The following XRCC4 variants were observed in gnomAD, a reference collection of about 807,000 sequenced individuals.
The protein encoded by XRCC4 is DNA repair protein XRCC4.
In XRCC4, 28 loss-of-function variants were observed where a neutral mutation model predicts 39.1. That is an observed-to-expected ratio of 0.72 (90% CI 0.53 to 0.98). XRCC4 has a LOEUF of 0.98. Ranked by LOEUF, XRCC4 falls within the 50% of genes least tolerant of loss-of-function variation. The pLI is 0.00. For synonymous variants in XRCC4, 123 were observed against 126.4 expected (o/e 0.97, Z 0.18); for missense variants, 350 against 376.4 (o/e 0.93, Z 0.58).
At chr5:83,292,938 T>C (rs959204456) in intron 7 of XRCC4, among the ~76,000 whole-genome samples, 16 of 152,096 alleles carry the variant, frequency 1.1e-4, no homozygotes, top group African/African-American at 3.1e-4. Context: ...AAAATACTCT[T>C]AAATCTCTGT....
At chr5:83,374,451 A>G in the XRCC4 span, among the ~76,000 whole-genome samples, 28 of 152,156 alleles carry the variant, frequency 1.8e-4, no homozygotes, top group Admixed American at 6.5e-5. Context: ...GAGTCAATTA[A>G]ACCTCTTTTT....
intron 6 of XRCC4, among the ~76,000 whole-genome samples, chr5:83,237,924 A>G (rs948698928): frequency 2.0e-5 from 3 of 152,108 alleles, no homozygotes; most frequent in African/African-American, 7.2e-5. Context: ...CTAAATTTTC[A>G]AAAAAATTTA....
At chr5:83,078,971 G>A (rs1744810013) in intron 1 of XRCC4, among the ~76,000 whole-genome samples, 1 of 152,096 alleles carries the variant, frequency 6.6e-6, no homozygotes, top group African/African-American at 2.4e-5. Context: ...GCAATTTATC[G>A]AGCTTGGCTT....
intron 1 of XRCC4, 62 bp from the exon 2 acceptor site, chr5:83,104,848 C>T: frequency 6.6e-7 from 1 of 1,518,982 alleles, no homozygotes; most frequent in Non-Finnish European, 9.1e-7. Flanking sequence ...GAGGCCAGTA[C>T]AGAAAACATT....
At chr5:83,265,012 A>G (rs945264438) in intron 7 of XRCC4, among the ~76,000 whole-genome samples, 1 of 152,114 alleles carries the variant, frequency 6.6e-6, no homozygotes, top group Non-Finnish European at 1.5e-5. Flanking sequence ...AAATACATAT[A>G]TAGAGAGAAG....
chr5:83,232,402 A>T (rs991111230), intron 6 of XRCC4, among the ~76,000 whole-genome samples: 2 of 152,092 alleles, frequency 1.3e-5, no homozygotes, highest in Non-Finnish European at 2.9e-5. Flanking sequence ...TCATCAAATC[A>T]AATTGCCCTA....
chr5:83,365,442 CTT>C, the XRCC4 span, among the ~76,000 whole-genome samples: 4 of 152,190 alleles, frequency 2.6e-5, no homozygotes, highest in East Asian at 3.9e-4. Context: ...TTTACGACTG[CTT>C]CACATGGTGA....
intron 7 of XRCC4, among the ~76,000 whole-genome samples, chr5:83,292,211 C>T (rs893455298): frequency 1.3e-4 from 20 of 151,694 alleles, no homozygotes; most frequent in African/African-American, 4.6e-4. Context: ...AGGCTATAGC[C>T]CTTGCCTAAG....
intron 3 of XRCC4, among the ~76,000 whole-genome samples, chr5:83,163,724 A>T (rs183205374): frequency 6.6e-6 from 1 of 152,326 alleles, no homozygotes; most frequent in East Asian, 1.9e-4. Context: ...TTGTCTATTC[A>T]TCCACATATA....
chr5:83,343,697 C>G (rs1370478345), intron 7 of XRCC4, among the ~76,000 whole-genome samples: 2 of 152,080 alleles, frequency 1.3e-5, no homozygotes, highest in African/African-American at 2.4e-5. Flanking sequence ...CTGTCTGTCC[C>G]TACAATTTTA....
chr5:83,221,098 T>G (rs946312118), intron 6 of XRCC4, among the ~76,000 whole-genome samples: 5 of 152,144 alleles, frequency 3.3e-5, no homozygotes, highest in Admixed American at 3.3e-4. Context: ...ATAATGATAC[T>G]GATGATAATG....
At chr5:83,277,133 A>ATAGTT (rs1754363052) in intron 7 of XRCC4, among the ~76,000 whole-genome samples, 1 of 152,256 alleles carries the variant, frequency 6.6e-6, no homozygotes, top group South Asian at 2.1e-4. Flanking sequence ...TTCTGATTTC[A>ATAGTT]TAGTTTAGTC....
chr5:83,355,629 G>C (rs1580544777), downstream of XRCC4, among the ~76,000 whole-genome samples: 1 of 152,044 alleles, frequency 6.6e-6, no homozygotes, highest in African/African-American at 2.4e-5. Flanking sequence ...ATATATGCAT[G>C]CACATAGGTG....
At chr5:83,112,691 C>A (rs1746500552) in intron 3 of XRCC4, among the ~76,000 whole-genome samples, 1 of 152,044 alleles carries the variant, frequency 6.6e-6, no homozygotes, top group African/African-American at 2.4e-5. Context: ...TGGTGGAAAG[C>A]AAAAGAGGAG....
intron 3 of XRCC4, among the ~76,000 whole-genome samples, chr5:83,114,820 T>C (rs1408977630): frequency 6.6e-6 from 1 of 152,158 alleles, no homozygotes; most frequent in East Asian, 1.9e-4. Flanking sequence ...CCGGTACCAA[T>C]TTACTGTATT....
At chr5:83,316,407 C>A (rs1169950088) in intron 7 of XRCC4, among the ~76,000 whole-genome samples, 1 of 151,318 alleles carries the variant, frequency 6.6e-6, no homozygotes, top group East Asian at 2.0e-4. Context: ...CACAGACTGG[C>A]AAGTTGGATA....
Position 83,169,521 on chromosome 5 carries a change from T to A in XRCC4, c.316-26249T>A, listed in dbSNP as rs28360097. 7.9e-5 allele frequency among the ~76,000 whole-genome samples: 12 copies of A among 152,310 alleles called. No individual in the cohort carries two copies. The East Asian group carries it at 2.1e-3, about 27-fold the overall frequency. On this transcript the variant is annotated intron_variant, in intron 3 of 7. Coordinates refer to ENST00000396027, the MANE Select transcript of XRCC4 (RefSeq NM_003401.5). ...AAAGCAAGTGCTGTGCTTACTAACATAAAATGAACAAAATGGACACGTTAT... is the reference window on the plus strand; with the variant it reads ...AAAGCAAGTGCTGTGCTTACTAACAAAAAATGAACAAAATGGACACGTTAT...
intron 1 of XRCC4, among the ~76,000 whole-genome samples, chr5:83,100,091 T>C (rs996324629): frequency 1.8e-4 from 28 of 152,260 alleles, no homozygotes; most frequent in African/African-American, 6.7e-4. Flanking sequence ...TTAAGACTTA[T>C]TTGATATAAA....
At chr5:83,373,579 TC>T in the XRCC4 span, among the ~76,000 whole-genome samples, 1 of 152,212 alleles carries the variant, frequency 6.6e-6, no homozygotes, top group East Asian at 1.9e-4. Flanking sequence ...CCCAGCATCA[TC>T]ACTTTGAGTT....
Sources: gnomAD v4.1 joint callset for allele counts (sites outside exome capture counted in the v4.1 genomes callset) on GRCh38, gnomAD v4.1.1 for gene constraint, MANE v1.5 for transcripts, NCBI Gene and HGNC (gene_info 2026-07-23, HGNC 2026-07-21) for gene names.